NECTIN1: variants seen among roughly 807,000 people sequenced by gnomAD.
The protein encoded by NECTIN1 is nectin cell adhesion molecule 1.
In NECTIN1, 23 loss-of-function variants were observed where a neutral mutation model predicts 48.0. The ratio of observed to expected loss-of-function variants is 0.48; its 90% CI spans 0.34 to 0.68. The LOEUF (loss-of-function observed/expected upper bound fraction) is 0.68. Ranked by LOEUF, NECTIN1 falls within the 30% of genes least tolerant of loss-of-function variation. The pLI is 0.01. For missense variants in NECTIN1, 591 were observed against 709.9 expected, an observed-to-expected ratio of 0.83 and a Z score of 1.90; for synonymous variants, 270 against 288.9, an observed-to-expected ratio of 0.93 and a Z score of 0.66.
chr11:119,639,717 C>T (rs774620667), intron 6 of NECTIN1: 35 of 1,052,460 alleles, frequency 3.3e-5, no homozygotes, highest in African/African-American at 3.3e-4. Flanking sequence ...CTCTTCCTGC[C>T]AAAGGGTTAG....
At chr11:119,639,200 C>T (rs548269141) in intron 6 of NECTIN1, among the ~76,000 whole-genome samples, 4 of 152,260 alleles carry the variant, frequency 2.6e-5, no homozygotes, top group South Asian at 4.1e-4. Context: ...GGAAATAACA[C>T]ATGATGCAAG....
chr11:119,652,255 C>T (rs766350805), intron 5 of NECTIN1, among the ~76,000 whole-genome samples: 5 of 152,180 alleles, frequency 3.3e-5, no homozygotes, highest in Admixed American at 1.3e-4. Context: ...CATGACACCT[C>T]GAGGCCTCAT....
chr11:119,703,645 A>ACT (rs938740937), intron 1 of NECTIN1, among the ~76,000 whole-genome samples: 4 of 151,988 alleles, frequency 2.6e-5, no homozygotes, highest in African/African-American at 7.3e-5. Context: ...CTGAGGCAGG[A>ACT]CTCCCAACAA....
chr11:119,685,223 T>C (rs1329028628), intron 1 of NECTIN1, among the ~76,000 whole-genome samples: 1 of 152,212 alleles, frequency 6.6e-6, no homozygotes, highest in African/African-American at 2.4e-5. Context: ...TCCAAGTCAG[T>C]GCCTCCGCCC....
chr11:119,663,639 C>G lies in NECTIN1; in HGVS notation c.*1108G>C, dbSNP rs377399603. On this transcript the variant is annotated 3_prime_UTR_variant, in exon 6 of 6. Transcript: ENST00000264025. ...ACCCTCCGTGTGGATGCTTCTTTAC[C>G]TCTGACTCCTGCAGGTGGATCCCCC... 5.3e-5 allele frequency: 52 copies of G among 985,644 alleles called. No individual in the cohort carries two copies. In the East Asian group the frequency reaches 3.5e-3, roughly 67 times the overall value. 61.1% of individuals were successfully genotyped at this position (985,644 alleles called of 1,614,324 possible).
In NECTIN1 at chr11:119,677,614, G is replaced by T; in HGVS notation, c.674C>A (p.Ala225Asp). The T allele has an allele frequency of 6.2e-7, 1 of 1,613,566 alleles. No homozygotes were observed. Among genetic ancestry groups the T allele is most frequent in the Non-Finnish European group, 8.5e-7 (1 of 1,180,032 alleles). Residue 225 changes from alanine to aspartate, a missense_variant, in exon 3 of 6, where the codon GCC (alanine) becomes GAC (aspartate). Transcript: ENST00000264025. The surrounding 1 kb of genome is among the most constrained non-coding windows in gnomAD (Gnocchi z 5.4). Reference protein sequence around the residue: ...PSREAHQQSLACIVNYHMDRF... With the variant: ...PSREAHQQSLDCIVNYHMDRF... ...GTCCATGTGGTAGTTGACGATGCAG[G>T]CCAAGGACTGCTGGTGGGCTTCCCT...
chr11:119,715,043 A>G (rs918115491), intron 1 of NECTIN1, among the ~76,000 whole-genome samples: 10 of 151,922 alleles, frequency 6.6e-5, no homozygotes, highest in African/African-American at 2.2e-4. Flanking sequence ...AGGGAGCTTC[A>G]GGGGGAAGGG....
chr11:119,702,718 C>T (rs1429034228), intron 1 of NECTIN1, among the ~76,000 whole-genome samples: 1 of 152,226 alleles, frequency 6.6e-6, no homozygotes, highest in Non-Finnish European at 1.5e-5. Flanking sequence ...TAATCACTCC[C>T]TCAAAGGCTG....
chr11:119,716,844 G>A (rs1195238300), intron 1 of NECTIN1, among the ~76,000 whole-genome samples: 4 of 152,196 alleles, frequency 2.6e-5, no homozygotes, highest in African/African-American at 7.2e-5. Flanking sequence ...AAGCAGGCGC[G>A]TGCACACGCG....
rs569437093 is a variant in NECTIN1, at chr11:119,661,202, G to C, written c.*3545C>G. On this transcript the variant is annotated 3_prime_UTR_variant, in exon 6 of 6. Transcript: ENST00000264025. ...TAGCGCATCACGCTGGGAGGGGAGGGTGGCAGCTTCTCCTGGATTCTTTTC... is the reference window on the plus strand; with the variant it reads ...TAGCGCATCACGCTGGGAGGGGAGGCTGGCAGCTTCTCCTGGATTCTTTTC... 3.5e-4 allele frequency: 348 copies of C among 985,742 alleles called. 5 individuals carry two copies. Among genetic ancestry groups the C allele is most frequent in the Admixed American group, 1.8e-4 (3 of 16,274 alleles). 61.1% of individuals were successfully genotyped at this position (985,742 alleles called of 1,614,324 possible). A position where few individuals can be genotyped will look rare whatever the true frequency, so the allele number is the denominator to read the frequency against.
intron 1 of NECTIN1, among the ~76,000 whole-genome samples, chr11:119,721,524 C>A (rs1351062251): frequency 1.3e-5 from 2 of 152,210 alleles, no homozygotes; most frequent in Non-Finnish European, 2.9e-5. Context: ...GAGATCCAGG[C>A]CAGAGTGGCC....
chr11:119,669,951 CAAA>C (rs1864839806), intron 5 of NECTIN1, among the ~76,000 whole-genome samples: 1 of 151,580 alleles, frequency 6.6e-6, no homozygotes, highest in Admixed American at 6.6e-5. Flanking sequence ...ATATCACCTT[CAAA>C]ATTACTACTT....
chr11:119,664,369 A>G lies in NECTIN1; in HGVS notation c.*378T>C. The G allele has an allele frequency of 9.6e-7, 1 of 1,043,754 alleles. No homozygotes were observed. Among genetic ancestry groups the G allele is most frequent in the Non-Finnish European group, 1.2e-6 (1 of 866,256 alleles). The allele number at this position is 1,043,754 out of a possible 1,614,324, so 64.7% of individuals were successfully genotyped here. ...AGCCCTCCACCCCCAGTGAAGAAAC[A>G]CAAACAAATTCCAGTGTAGGGGGGC... On this transcript the variant is annotated 3_prime_UTR_variant, in exon 6 of 6. Transcript: ENST00000264025.
At chr11:119,650,714 C>T (rs1042421403) in intron 5 of NECTIN1, among the ~76,000 whole-genome samples, 1 of 152,186 alleles carries the variant, frequency 6.6e-6, no homozygotes, top group Non-Finnish European at 1.5e-5. Flanking sequence ...CAGTGGCTAA[C>T]TGCGGGACTT....
At chr11:119,685,575 A>G (rs1390888476) in intron 1 of NECTIN1, among the ~76,000 whole-genome samples, 1 of 152,178 alleles carries the variant, frequency 6.6e-6, no homozygotes, top group Non-Finnish European at 1.5e-5. Context: ...TTCTCCCACC[A>G]GGTGGCTGAG....
chr11:119,728,340 C>T, intron 1 of NECTIN1, 135 bp downstream of exon 1: 3 of 786,406 alleles, frequency 3.8e-6, no homozygotes, highest in Non-Finnish European at 6.1e-6. Context: ...CCACCTCCCA[C>T]CCCCTTTACC....
chr11:119,681,718 T>C (rs1318754606), intron 1 of NECTIN1, among the ~76,000 whole-genome samples: 1 of 152,140 alleles, frequency 6.6e-6, no homozygotes, highest in African/African-American at 2.4e-5. Flanking sequence ...CTGTCCACTG[T>C]GGCACTCCCA....
In NECTIN1 at chr11:119,665,007, C is replaced by T. The variant is rs1351701613; in HGVS notation, c.1294G>A (p.Gly432Ser). Residue 432 changes from glycine to serine, a missense_variant, in exon 6 of 6, where the codon GGT becomes AGT. Physicochemically the swap from Gly to Ser is moderately conservative, Grantham distance 56 (BLOSUM62 0). Coordinates refer to ENST00000264025, the MANE Select transcript of NECTIN1 (RefSeq NM_002855.5). The surrounding 1 kb of genome is among the most constrained non-coding windows in gnomAD (Gnocchi z 5.1). ...SDDEKKAGPL[G>S]GSSYEEEEEE... ...TCCTCCTCCTCATAGCTGCTTCCACCCAGTGGGCCGGCCTTCTTCTCGTCG... is the reference window on the plus strand; with the variant it reads ...TCCTCCTCCTCATAGCTGCTTCCACTCAGTGGGCCGGCCTTCTTCTCGTCG... The T allele has an allele frequency of 2.5e-6, 4 of 1,613,730 alleles. No individual in the cohort carries two copies. Among genetic ancestry groups the T allele is most frequent in the East Asian group, 2.2e-5 (1 of 44,882 alleles).
intron 1 of NECTIN1, among the ~76,000 whole-genome samples, chr11:119,699,221 C>CA (rs994301267): frequency 3.3e-5 from 5 of 152,206 alleles, no homozygotes; most frequent in Non-Finnish European, 7.3e-5. Context: ...TATACTGTGG[C>CA]ATGTGATGAG....
Sources: gnomAD v4.1 joint callset for allele counts (sites outside exome capture counted in the v4.1 genomes callset) on GRCh38, gnomAD v4.1.1 for gene constraint, Gnocchi (gnomAD v3.1) non-coding constraint, MANE v1.5 for transcripts, NCBI Gene and HGNC (gene_info 2026-07-23, HGNC 2026-07-21) for gene names.